The following NSMCE1 variants were observed in gnomAD, a reference collection of about 807,000 sequenced individuals.
The protein encoded by NSMCE1 is non-structural maintenance of chromosomes element 1 homolog.
In NSMCE1, 18 loss-of-function variants were observed where a neutral mutation model predicts 29.6. The ratio of observed to expected loss-of-function variants is 0.61; its 90% confidence interval spans 0.42 to 0.90. The LOEUF is 0.90. Ranked by LOEUF, NSMCE1 falls within the 40% of genes least tolerant of loss-of-function variation. NSMCE1 has a pLI of 0.00. For synonymous variants in NSMCE1, 124 were observed against 133.4 expected (o/e 0.93, Z 0.49); for missense variants, 314 against 343.6 (o/e 0.91, Z 0.68).
At chr16:27,235,364 C>G (rs1419853605) in intron 2 of NSMCE1, 65 bp from the exon 3 acceptor site, 5 of 1,578,710 alleles carry the variant, frequency 3.2e-6, no homozygotes, top group Non-Finnish European at 4.3e-6. Flanking sequence ...ATGTAGCTTG[C>G]TTGAATCATT....
At chr16:27,225,869 C>T (rs776137137) in intron 6 of NSMCE1, 23 bp from the exon 7 acceptor site, 26 of 1,612,896 alleles carry the variant, frequency 1.6e-5, no homozygotes, top group Middle Eastern at 1.6e-4. Context: ...AGGCCAATGA[C>T]GGCGGAGCTG....
chr16:27,238,135 G>A (rs2083846613), intron 2 of NSMCE1, among the ~76,000 whole-genome samples: 1 of 152,188 alleles, frequency 6.6e-6, no homozygotes, highest in African/African-American at 2.4e-5. Context: ...AGCAACAGAG[G>A]TGGCGTGGTG....
rs1179660219 is a variant in NSMCE1, at chr16:27,232,752, C to T, written c.483+249G>A. ...ATCCTGGGGCCCAAGTCCCTGGGCG[C>T]GGCTCCTGGCTCTGCCATTCTGGCT... On this transcript the variant is annotated intron_variant, in intron 5 of 7. Transcript: ENST00000361439. The surrounding 1 kb of genome is among the most constrained non-coding windows in gnomAD (Gnocchi z 4.5). Among the ~76,000 whole-genome samples the T allele has an allele frequency of 5.3e-5, 8 of 152,244 alleles. No individual in the cohort carries two copies. The highest frequency in any genetic ancestry group is 2.1e-4 in the South Asian group (1 of 4,836).
chr16:27,238,580 C>T (rs1010857759), intron 2 of NSMCE1, among the ~76,000 whole-genome samples: 18 of 150,902 alleles, frequency 1.2e-4, no homozygotes, highest in Admixed American at 2.6e-4. Flanking sequence ...CTTACATTTG[C>T]GGTTTTGGTG....
intron 2 of NSMCE1, chr16:27,241,832 C>G (rs922612190): frequency 2.2e-6 from 1 of 455,192 alleles, no homozygotes; most frequent in Non-Finnish European, 4.4e-6. Context: ...AATGCAGAGG[C>G]GAGCCAGAAA....
At chr16:27,263,721 TTAA>T (rs1291584419) in intron 1 of NSMCE1, among the ~76,000 whole-genome samples, 1 of 152,216 alleles carries the variant, frequency 6.6e-6, no homozygotes, top group Non-Finnish European at 1.5e-5. Flanking sequence ...TATGATCATC[TTAA>T]TGATGCAGAA....
At chr16:27,256,963 C>T (rs1460598148) in intron 2 of NSMCE1, among the ~76,000 whole-genome samples, 2 of 152,206 alleles carry the variant, frequency 1.3e-5, no homozygotes, top group Non-Finnish European at 2.9e-5. Flanking sequence ...GCTATCCTCC[C>T]ACCTTGATTC....
intron 2 of NSMCE1, among the ~76,000 whole-genome samples, chr16:27,251,833 AG>A (rs1434077790): frequency 6.6e-6 from 1 of 152,124 alleles, no homozygotes; most frequent in Non-Finnish European, 1.5e-5. Context: ...CCTTGAGTGG[AG>A]GGGCACTTTG....
At chr16:27,233,443 A>T (rs974832149) in intron 4 of NSMCE1, among the ~76,000 whole-genome samples, 3 of 152,174 alleles carry the variant, frequency 2.0e-5, no homozygotes, top group African/African-American at 7.2e-5. Context: ...TGAGAGAGAG[A>T]CACGGCAGGC....
intron 5 of NSMCE1, among the ~76,000 whole-genome samples, chr16:27,230,018 G>A (rs997982781): frequency 5.3e-5 from 8 of 152,232 alleles, no homozygotes; most frequent in African/African-American, 1.9e-4. Flanking sequence ...CGACAGCCCA[G>A]GTGATCTCCC....
At chr16:27,264,475 G>C (rs1373557115) in intron 1 of NSMCE1, among the ~76,000 whole-genome samples, 2 of 152,186 alleles carry the variant, frequency 1.3e-5, no homozygotes, top group African/African-American at 4.8e-5. Flanking sequence ...CAATGGAACA[G>C]AACAGAGAAC....
chr16:27,242,694 T>A (rs1037982687), intron 2 of NSMCE1, among the ~76,000 whole-genome samples: 1 of 152,184 alleles, frequency 6.6e-6, no homozygotes, highest in Non-Finnish European at 1.5e-5. Context: ...GAAATCGTCA[T>A]GAGAAACATA....
At chr16:27,231,963 C>T (rs1169607159) in intron 5 of NSMCE1, among the ~76,000 whole-genome samples, 1 of 152,210 alleles carries the variant, frequency 6.6e-6, no homozygotes, top group Admixed American at 6.5e-5. Context: ...CAGGAGCTCC[C>T]AGCCCTGCCC....
chr16:27,230,491 T>A (rs2083751469), intron 5 of NSMCE1: 1 of 152,260 alleles, frequency 6.6e-6, no homozygotes, highest in South Asian at 2.1e-4. Flanking sequence ...CCAGGCCATG[T>A]AGGTCAGAGA....
chr16:27,252,987 AAC>A (rs2084050786), intron 2 of NSMCE1, among the ~76,000 whole-genome samples: 2 of 152,192 alleles, frequency 1.3e-5, no homozygotes, highest in African/African-American at 4.8e-5. Context: ...CGGGTTATTA[AAC>A]ACACAGAGGC....
At chr16:27,235,617 A>G (rs4493040) in intron 2 of NSMCE1, among the ~76,000 whole-genome samples, 13,454 of 152,142 alleles carry the variant, frequency 0.088, 1,584 homozygotes, top group African/African-American at 0.27. Flanking sequence ...CAGCACCTTC[A>G]GCGCATTACT....
rs987909012 is a variant in NSMCE1 at position 27,232,204 on chromosome 16, G to C, written c.483+797C>G. On this transcript the variant is annotated intron_variant, in intron 5 of 7. Transcript: ENST00000361439. The surrounding 1 kb of genome is among the most constrained non-coding windows in gnomAD (Gnocchi z 4.5). The stretch of plus-strand genomic sequence containing the variant: ...AAGTGAGGAAGCGGGGACCCGGCGT[G>C]AGTGCGTCCTCAACACACATGGGCA... Among the ~76,000 whole-genome samples the C allele has an allele frequency of 2.6e-5, 4 of 152,210 alleles. No homozygotes were observed. The highest frequency in any genetic ancestry group is 6.5e-5 in the Admixed American group (1 of 15,276).
rs763665579 is a variant in NSMCE1, at chr16:27,257,422, A to G, written c.136+13T>C. 4.4e-6 allele frequency: 7 copies of G among 1,602,062 alleles called. No homozygotes were observed. The African/African-American group carries it at 9.4e-5, about 21-fold the overall frequency. On this transcript the variant is annotated intron_variant, in intron 2 of 7. Coordinates refer to ENST00000361439, the MANE Select transcript of NSMCE1 (RefSeq NM_145080.4). ...GCACCAGAGCGCCCTGGGAACAGGGAAACGGTACTCACGGTCATGGACCTT... is the reference window on the plus strand; with the variant it reads ...GCACCAGAGCGCCCTGGGAACAGGGGAACGGTACTCACGGTCATGGACCTT...
chr16:27,251,191 A>ATATATATAAAT lies in NSMCE1; in HGVS notation c.136+6243_136+6244insATTTATATATA, dbSNP rs1555477411. ...ATATATATATATATATATATATATA[A>ATATATATAAAT]ATATATATATATATATAAAACTCTG... On this transcript the variant is annotated intron_variant, in intron 2 of 7. Coordinates refer to ENST00000361439, the MANE Select transcript of NSMCE1 (RefSeq NM_145080.4). 3.9e-3 allele frequency among the ~76,000 whole-genome samples: 125 copies of ATATATATAAAT among 32,204 alleles called. 1 individual carries two copies. The East Asian group carries it at 0.067, about 17-fold the overall frequency. 21.1% of individuals were successfully genotyped at this position (32,204 alleles called of 152,430 possible). A position where few individuals can be genotyped will look rare whatever the true frequency, so the allele number is the denominator to read the frequency against.
Sources: gnomAD v4.1 joint callset for allele counts (sites outside exome capture counted in the v4.1 genomes callset) on GRCh38, gnomAD v4.1.1 for gene constraint, Gnocchi (gnomAD v3.1) non-coding constraint, MANE v1.5 for transcripts, NCBI Gene and HGNC (gene_info 2026-07-23, HGNC 2026-07-21) for gene names.